The following CHMP4B variants were observed in gnomAD, a reference collection of about 807,000 sequenced individuals.
CHMP4B encodes the protein SNF7 homolog associated with Alix 1.
Under a neutral mutation model 25.1 loss-of-function variants are expected in CHMP4B, and 1 was observed. That is an observed-to-expected ratio of 0.04 (90% CI 0.01 to 0.19). CHMP4B has a LOEUF of 0.19. Among genes scored for constraint, CHMP4B ranks in the 10% least tolerant of loss-of-function variants. The pLI is 1.00. For synonymous variants in CHMP4B, 101 were observed against 115.6 expected (o/e 0.87, Z 0.81); for missense variants, 151 against 289.7 (o/e 0.52, Z 3.48).
chr20:33,835,631 C>A (rs1979371434), intron 1 of CHMP4B, among the ~76,000 whole-genome samples: 1 of 152,156 alleles, frequency 6.6e-6, no homozygotes, highest in African/African-American at 2.4e-5. Flanking sequence ...ATTTTAATCT[C>A]TAGAAGCTCG....
At chr20:33,851,375 C>T (rs1979841787) in intron 3 of CHMP4B, among the ~76,000 whole-genome samples, 1 of 152,170 alleles carries the variant, frequency 6.6e-6, no homozygotes. Context: ...CAGAGATGAC[C>T]ATGCCCTGGA....
At chr20:33,830,754 G>C (rs1025584937) in intron 1 of CHMP4B, among the ~76,000 whole-genome samples, 4 of 152,018 alleles carry the variant, frequency 2.6e-5, no homozygotes, top group Non-Finnish European at 5.9e-5. Flanking sequence ...ATTCTGGGGG[G>C]ATACAGGTCA....
chr20:33,841,290 G>A (rs1359254561), intron 1 of CHMP4B, among the ~76,000 whole-genome samples: 4 of 152,226 alleles, frequency 2.6e-5, no homozygotes, highest in Admixed American at 1.3e-4. Context: ...TCTAAATGGA[G>A]TGCATTAGCT....
At chr20:33,839,759 C>T (rs1342375727) in intron 1 of CHMP4B, among the ~76,000 whole-genome samples, 1 of 152,194 alleles carries the variant, frequency 6.6e-6, no homozygotes, top group Non-Finnish European at 1.5e-5. Flanking sequence ...AGACGCTCTT[C>T]TGCAAAGAAA....
rs187876652 is a variant in CHMP4B, at chr20:33,851,876, A to G, written c.484-201A>G. 2.1e-3 allele frequency among the ~76,000 whole-genome samples: 319 copies of G among 152,302 alleles called. 1 individual carries two copies. Among genetic ancestry groups the G allele is most frequent in the African/African-American group, 7.4e-3 (309 of 41,558 alleles). On this transcript the variant is annotated intron_variant, in intron 3 of 4. Coordinates refer to ENST00000217402, the MANE Select transcript of CHMP4B (RefSeq NM_176812.5). ...GTGCAGGACACCAGAGGTCTACATCAGTGATGTGCAGCAGTGATACGTTCC... is the reference window on the plus strand; with the variant it reads ...GTGCAGGACACCAGAGGTCTACATCGGTGATGTGCAGCAGTGATACGTTCC...
At chr20:33,817,909 T>C (rs1978826730) in intron 1 of CHMP4B, among the ~76,000 whole-genome samples, 1 of 152,202 alleles carries the variant, frequency 6.6e-6, no homozygotes, top group Non-Finnish European at 1.5e-5. Flanking sequence ...CAATCATTTA[T>C]TACGTTTCTT....
At chr20:33,849,324 T>A (rs1201505313) in intron 2 of CHMP4B, among the ~76,000 whole-genome samples, 1 of 152,110 alleles carries the variant, frequency 6.6e-6, no homozygotes, top group Non-Finnish European at 1.5e-5. Flanking sequence ...TTGGGCTGGG[T>A]GAGGTGGCTC....
chr20:33,839,292 A>T (rs1979471050), intron 1 of CHMP4B, among the ~76,000 whole-genome samples: 1 of 152,152 alleles, frequency 6.6e-6, no homozygotes, highest in African/African-American at 2.4e-5. Context: ...GTTGGGCGTT[A>T]TGGAGTGCCC....
At chr20:33,850,073 A>G (rs1445406041) in intron 2 of CHMP4B, among the ~76,000 whole-genome samples, 2 of 152,328 alleles carry the variant, frequency 1.3e-5, no homozygotes, top group East Asian at 3.9e-4. Flanking sequence ...CACTGTGCCT[A>G]GCCTTAAAAG....
At position 33,811,810 on chromosome 20, in the gene CHMP4B, A is replaced by T. The variant is rs186647786; in HGVS notation, c.190+152A>T. On this transcript the variant is annotated intron_variant, in intron 1 of 4. Coordinates refer to ENST00000217402, the MANE Select transcript of CHMP4B (RefSeq NM_176812.5). Reference sequence around the variant, plus strand: ...TGCCGGGTCTGGGACCCCCTCCCCGACTCCCTTCAATGTCTCCCCGATCCC... The same window carrying T: ...TGCCGGGTCTGGGACCCCCTCCCCGTCTCCCTTCAATGTCTCCCCGATCCC... 256 of 774,674 alleles carry T rather than the reference A, an allele frequency of 3.3e-4. No individual in the cohort carries two copies. In the African/African-American group the frequency reaches 4.3e-3, roughly 13 times the overall value. 48.0% of individuals were successfully genotyped at this position (774,674 alleles called of 1,614,324 possible).
chr20:33,814,022 C>T (rs1373615196), intron 1 of CHMP4B, among the ~76,000 whole-genome samples: 1 of 152,344 alleles, frequency 6.6e-6, no homozygotes, highest in Admixed American at 6.5e-5. Flanking sequence ...TGAGCCATCG[C>T]ACCCAGCCGT....
chr20:33,820,775 A>T (rs1457952942), intron 1 of CHMP4B, among the ~76,000 whole-genome samples: 1 of 152,188 alleles, frequency 6.6e-6, no homozygotes, highest in East Asian at 1.9e-4. Context: ...GAGTGCTTGA[A>T]ACTTTAAATT....
intron 1 of CHMP4B, among the ~76,000 whole-genome samples, chr20:33,845,930 G>T (rs56689891): frequency 0.026 from 3,913 of 152,314 alleles, 167 homozygotes; most frequent in African/African-American, 0.089. Flanking sequence ...GGGCTCCCAG[G>T]ACTTGGGCTT....
intron 1 of CHMP4B, among the ~76,000 whole-genome samples, chr20:33,845,577 C>T (rs2122811647): frequency 6.6e-6 from 1 of 152,264 alleles, no homozygotes; most frequent in South Asian, 2.1e-4. Flanking sequence ...CCCACCTCGG[C>T]CTCCCAAAGT....
chr20:33,852,269 CT>C, intron 4 of CHMP4B, 66 bp downstream of exon 4: 1 of 1,600,100 alleles, frequency 6.2e-7, no homozygotes, highest in Non-Finnish European at 8.6e-7. Context: ...GGTCGGTTGG[CT>C]TTGGTTTGTG....
At chr20:33,812,793 G>A (rs1978671544) in intron 1 of CHMP4B, among the ~76,000 whole-genome samples, 1 of 152,118 alleles carries the variant, frequency 6.6e-6, no homozygotes, top group Admixed American at 6.6e-5. Flanking sequence ...CATAGTAGGG[G>A]CTAAATCGAT....
chr20:33,850,876 T>G (rs1979826870), intron 2 of CHMP4B, 76 bp from the exon 3 acceptor site: 1 of 1,041,782 alleles, frequency 9.6e-7, no homozygotes, highest in South Asian at 1.3e-5. Flanking sequence ...GCCCAGTTTC[T>G]GCTCCCGCCT....
At chr20:33,816,312 A>C (rs756356264) in intron 1 of CHMP4B, among the ~76,000 whole-genome samples, 2 of 152,244 alleles carry the variant, frequency 1.3e-5, no homozygotes, top group Non-Finnish European at 2.9e-5. Context: ...AATAATATTC[A>C]TCTCACATGC....
intron 1 of CHMP4B, among the ~76,000 whole-genome samples, chr20:33,827,144 C>T (rs1252209809): frequency 2.0e-5 from 3 of 152,200 alleles, no homozygotes; most frequent in Non-Finnish European, 4.4e-5. Context: ...GGTGCCCCCT[C>T]CATCACCCAG....
Sources: gnomAD v4.1 joint callset for allele counts (sites outside exome capture counted in the v4.1 genomes callset) on GRCh38, gnomAD v4.1.1 for gene constraint, MANE v1.5 for transcripts, NCBI Gene and HGNC (gene_info 2026-07-23, HGNC 2026-07-21) for gene names.